Variants in ACOT1 observed in about 807,000 individuals in gnomAD.
The protein encoded by ACOT1 is acyl-coenzyme A thioesterase 1.
In ACOT1, 8 loss-of-function variants were observed where a neutral mutation model predicts 15.7. The observed-to-expected ratio is 0.51, with a 90% CI of 0.30 to 0.92. The LOEUF (loss-of-function observed/expected upper bound fraction) is 0.92. ACOT1 is among the 40% of genes least tolerant of loss of function. ACOT1 has a pLI of 0.06. For synonymous variants in ACOT1, 67 were observed against 241.2 expected, an observed-to-expected ratio of 0.28 and a Z score of 6.69; for missense variants, 151 against 539.4, an observed-to-expected ratio of 0.28 and a Z score of 7.13.
the ACOT1 span, among the ~76,000 whole-genome samples, chr14:73,516,635 C>G: frequency 1.3e-5 from 2 of 152,162 alleles, no homozygotes; most frequent in African/African-American, 4.8e-5. Context: ...AAGCTGGGGT[C>G]CCTAACCCCC....
At chr14:73,494,013 A>G in the ACOT1 span, among the ~76,000 whole-genome samples, 4 of 152,192 alleles carry the variant, frequency 2.6e-5, no homozygotes, top group African/African-American at 4.8e-5. Context: ...GCTTACATCC[A>G]TGGCTGGCAC....
chr14:73,499,068 T>C, the ACOT1 span: 1 of 1,613,546 alleles, frequency 6.2e-7, no homozygotes, highest in South Asian at 1.1e-5. Context: ...ACTTCTATAA[T>C]ACCTCGAATG....
At chr14:73,542,758 T>C (rs1889135219) in intron 2 of ACOT1, among the ~76,000 whole-genome samples, 1 of 111,630 alleles carries the variant, frequency 9.0e-6, no homozygotes, top group Non-Finnish European at 1.9e-5. Context: ...ACAGTGGGAA[T>C]GGGTGGCTCA....
chr14:73,495,142 C>T, the ACOT1 span: 1 of 1,198,288 alleles, frequency 8.3e-7, no homozygotes, highest in Non-Finnish European at 1.2e-6. Context: ...TCCTCTAAGG[C>T]TTGCTACTAA....
At chr14:73,491,851 C>G in the ACOT1 span, 1 of 1,609,950 alleles carries the variant, frequency 6.2e-7, no homozygotes, top group East Asian at 2.2e-5. Flanking sequence ...TGAACCCACC[C>G]GGCCGCGCGC....
chr14:73,509,582 C>T, the ACOT1 span: 2 of 1,053,672 alleles, frequency 1.9e-6, no homozygotes, highest in Admixed American at 2.0e-5. Flanking sequence ...GCTGCAGTTG[C>T]TTAGTGCTAT....
the ACOT1 span, among the ~76,000 whole-genome samples, chr14:73,507,628 G>T: frequency 2.0e-5 from 3 of 151,852 alleles, no homozygotes; most frequent in Admixed American, 2.0e-4. Flanking sequence ...TAGAGACAGG[G>T]TCTCACTATA....
At chr14:73,492,585 T>A in the ACOT1 span, 1 of 1,613,856 alleles carries the variant, frequency 6.2e-7, no homozygotes, top group Non-Finnish European at 8.5e-7. The surrounding 1 kb of genome is among the most constrained non-coding windows in gnomAD (Gnocchi z 4.9). Context: ...GCACTAAGTG[T>A]TTACGGGCTT....
the ACOT1 span, among the ~76,000 whole-genome samples, chr14:73,518,849 A>G: frequency 6.6e-6 from 1 of 152,162 alleles, no homozygotes; most frequent in African/African-American, 2.4e-5. Context: ...AGTTATAGTT[A>G]GTATTTTATA....
the ACOT1 span, among the ~76,000 whole-genome samples, chr14:73,496,125 C>T: frequency 3.0e-4 from 46 of 151,910 alleles, no homozygotes; most frequent in African/African-American, 9.4e-4. Context: ...GCGAGACTGT[C>T]CCCCCCTCAA....
chr14:73,492,459 T>G, the ACOT1 span: 1 of 1,613,772 alleles, frequency 6.2e-7, no homozygotes, highest in East Asian at 2.2e-5. The surrounding 1 kb of genome is among the most constrained non-coding windows in gnomAD (Gnocchi z 4.9). Flanking sequence ...ATGGAGAAGG[T>G]GCGGGTCTTG....
the ACOT1 span, among the ~76,000 whole-genome samples, chr14:73,507,890 T>C: frequency 6.6e-6 from 1 of 152,170 alleles, no homozygotes; most frequent in Non-Finnish European, 1.5e-5. Flanking sequence ...CTACTCAGTG[T>C]GGTACCACTG....
At chr14:73,529,082 G>C in the ACOT1 span, 1 of 152,128 alleles carries the variant, frequency 6.6e-6, no homozygotes, top group East Asian at 1.9e-4. Flanking sequence ...GGCCAGGCGT[G>C]GTGGATCATG....
chr14:73,509,481 C>T, the ACOT1 span: 1 of 1,613,432 alleles, frequency 6.2e-7, no homozygotes. Flanking sequence ...TGTCTGTGAT[C>T]AAAAGAGCCA....
Position 73,541,124 on chromosome 14 carries a change from G to C in ACOT1, c.458-369G>C, listed in dbSNP as rs1237346100. Among the ~76,000 whole-genome samples, 4 of 113,602 alleles carry C rather than the reference G, an allele frequency of 3.5e-5. 2 individuals carry two copies. The highest frequency in any genetic ancestry group is 1.2e-4 in the African/African-American group (4 of 33,838). The allele number at this position is 113,602 out of a possible 152,430, so 74.5% of individuals were successfully genotyped here. A position where few individuals can be genotyped will look rare whatever the true frequency, so the allele number is the denominator to read the frequency against. On this transcript the variant is annotated intron_variant, in intron 1 of 2. Coordinates refer to ENST00000311148, the MANE Select transcript of ACOT1 (RefSeq NM_001037161.2). Reference sequence around the variant, plus strand: ...AATATTCAGTAAGTGGAGTCATTCAGAATGAGTAGCCTTTTGAGTCTGTCT... The same window carrying C: ...AATATTCAGTAAGTGGAGTCATTCACAATGAGTAGCCTTTTGAGTCTGTCT...
chr14:73,502,947 C>T, the ACOT1 span: 1 of 1,614,078 alleles, frequency 6.2e-7, no homozygotes, highest in Non-Finnish European at 8.5e-7. Context: ...AGCGCCTGTG[C>T]AGCTGCTCTC....
the ACOT1 span, among the ~76,000 whole-genome samples, chr14:73,499,768 AT>A: frequency 2.6e-5 from 4 of 152,150 alleles, no homozygotes; most frequent in African/African-American, 7.2e-5. Context: ...CCTAAAGCCC[AT>A]CAGCACCCAG....
At chr14:73,525,327 T>C in the ACOT1 span, among the ~76,000 whole-genome samples, 1 of 152,158 alleles carries the variant, frequency 6.6e-6, no homozygotes, top group Admixed American at 6.5e-5. Flanking sequence ...GCTACAGCAC[T>C]CAGCAAAGGC....
chr14:73,493,273 T>G, the ACOT1 span: 3 of 632,258 alleles, frequency 4.7e-6, no homozygotes, highest in Admixed American at 3.3e-5. Context: ...TATTAGATTT[T>G]TTTTGGAATT....
Sources: allele counts gnomAD v4.1 joint callset (sites outside exome capture counted in the v4.1 genomes callset), GRCh38; gene constraint gnomAD v4.1.1; non-coding constraint Gnocchi (gnomAD v3.1); transcripts MANE v1.5; gene names NCBI Gene and HGNC (gene_info 2026-07-23, HGNC 2026-07-21).